TGFBR3: variants seen among roughly 807,000 people sequenced by gnomAD.
TGFBR3 encodes transforming growth factor beta receptor 3, also known as transforming growth factor beta receptor type 3.
A neutral mutation model predicts 87.9 loss-of-function variants in TGFBR3; 46 were observed. The ratio of observed to expected loss-of-function variants is 0.52; its 90% CI spans 0.41 to 0.67. TGFBR3 has a LOEUF of 0.67. Among genes scored for constraint, TGFBR3 ranks in the 30% least tolerant of loss-of-function variants. TGFBR3 has a pLI of 0.00. For missense variants in TGFBR3, 866 were observed against 1,041.9 expected, an observed-to-expected ratio of 0.83 and a Z score of 2.32; for synonymous variants, 381 against 391.6, an observed-to-expected ratio of 0.97 and a Z score of 0.32.
chr1:91,795,148 G>A (rs1335003880), intron 3 of TGFBR3, among the ~76,000 whole-genome samples: 1 of 152,142 alleles, frequency 6.6e-6, no homozygotes, highest in Non-Finnish European at 1.5e-5. Context: ...AGAGCCAGAT[G>A]GAATCTCCAA....
intron 3 of TGFBR3, among the ~76,000 whole-genome samples, chr1:91,785,433 C>T (rs1674921375): frequency 6.6e-6 from 1 of 152,166 alleles, no homozygotes; most frequent in Admixed American, 6.5e-5. Context: ...TTGCACATTT[C>T]TATAAATATA....
At position 91,695,685 on chromosome 1, in the gene TGFBR3, G is replaced by A. The variant is rs1046633269; in HGVS notation, c.2424C>T (p.Ile808=). ...AGTCACACTAACCTGTGTGAGAATA[G>A]ATGTACCACAAGGCCCCCGTCAGGA... ...GALLTGALWY[I]YSHTGETAGR... is the part of the protein sequence containing the mutation. The change falls in exon 16 of 17, where the codon ATC becomes ATT. Residue 808 remains isoleucine (I), a synonymous_variant. Transcript: ENST00000212355. 5 of 1,613,922 alleles carry A rather than the reference G, an allele frequency of 3.1e-6. No homozygotes were observed. The Admixed American group carries it at 5.0e-5, about 16-fold the overall frequency.
At chr1:91,792,995 C>G (rs1004721169) in intron 3 of TGFBR3, among the ~76,000 whole-genome samples, 3 of 152,190 alleles carry the variant, frequency 2.0e-5, no homozygotes, top group South Asian at 2.1e-4. Flanking sequence ...TACTCTGACC[C>G]GAGGAGAACC....
chr1:91,750,389 A>G (rs1268869957), intron 4 of TGFBR3, among the ~76,000 whole-genome samples: 1 of 152,216 alleles, frequency 6.6e-6, no homozygotes, highest in Non-Finnish European at 1.5e-5. Flanking sequence ...ATTTAGGAAG[A>G]GCTCAATGGC....
intron 12 of TGFBR3, among the ~76,000 whole-genome samples, chr1:91,714,305 T>C (rs971978712): frequency 2.6e-5 from 4 of 152,178 alleles, no homozygotes; most frequent in East Asian, 1.9e-4. Flanking sequence ...CTATTAGTAA[T>C]AGTAGTATTC....
chr1:91,903,936 G>A (rs1335121024), intron 1 of TGFBR3, among the ~76,000 whole-genome samples: 1 of 152,068 alleles, frequency 6.6e-6, no homozygotes, highest in African/African-American at 2.4e-5. Context: ...CACTTTGGGA[G>A]GCCTAGGCGG....
chr1:91,792,332 T>C (rs1675225418), intron 3 of TGFBR3, among the ~76,000 whole-genome samples: 1 of 152,090 alleles, frequency 6.6e-6, no homozygotes, highest in African/African-American at 2.4e-5. Context: ...TTTTGACGGG[T>C]GAAGTTATTA....
chr1:91,693,619 T>G (rs1671336876), intron 16 of TGFBR3, among the ~76,000 whole-genome samples: 1 of 152,200 alleles, frequency 6.6e-6, no homozygotes, highest in African/African-American at 2.4e-5. Context: ...TTGCCCTATA[T>G]TCTGCCTGGA....
At chr1:91,696,601 G>T (rs1352875040) in intron 15 of TGFBR3, among the ~76,000 whole-genome samples, 1 of 152,136 alleles carries the variant, frequency 6.6e-6, no homozygotes, top group Non-Finnish European at 1.5e-5. Flanking sequence ...TCATTTAAGA[G>T]AACTACCTTC....
At chr1:91,818,624 A>G (rs1354234574) in intron 2 of TGFBR3, among the ~76,000 whole-genome samples, 1 of 152,200 alleles carries the variant, frequency 6.6e-6, no homozygotes, top group Non-Finnish European at 1.5e-5. Context: ...GGAAAAAAAT[A>G]GGATCAAGGG....
intron 2 of TGFBR3, among the ~76,000 whole-genome samples, chr1:91,802,856 G>A (rs1047174004): frequency 1.3e-5 from 2 of 151,982 alleles, no homozygotes; most frequent in South Asian, 2.1e-4. Flanking sequence ...ACCTGGGGGA[G>A]GTGCCCCAAC....
intron 15 of TGFBR3, among the ~76,000 whole-genome samples, chr1:91,697,466 G>C (rs1453733724): frequency 6.6e-6 from 1 of 152,198 alleles, no homozygotes; most frequent in South Asian, 2.1e-4. Flanking sequence ...GGACAGCTGG[G>C]AAGTCCAGGT....
chr1:91,868,479 G>T (rs900376233), intron 1 of TGFBR3, among the ~76,000 whole-genome samples: 3 of 152,242 alleles, frequency 2.0e-5, no homozygotes, highest in Admixed American at 2.0e-4. Context: ...CTGTCCAAAT[G>T]GTGGTGAAGC....
intron 1 of TGFBR3, among the ~76,000 whole-genome samples, chr1:91,862,907 T>C (rs1678253552): frequency 1.3e-5 from 2 of 152,196 alleles, no homozygotes; most frequent in Non-Finnish European, 1.5e-5. Context: ...GAGTTGCCCA[T>C]AGCTACCTTC....
At chr1:91,902,631 T>A (rs1679753435) in intron 1 of TGFBR3, among the ~76,000 whole-genome samples, 1 of 151,396 alleles carries the variant, frequency 6.6e-6, no homozygotes, top group South Asian at 2.1e-4. Context: ...TTTTCTCACA[T>A]CTTTTTAGGT....
At chr1:91,822,978 T>C (rs1405482497) in intron 2 of TGFBR3, among the ~76,000 whole-genome samples, 3 of 152,166 alleles carry the variant, frequency 2.0e-5, no homozygotes, top group Non-Finnish European at 4.4e-5. Context: ...TAGTCGCCCA[T>C]TCACAAGCCT....
At chr1:91,772,706 C>T (rs902779306) in intron 3 of TGFBR3, among the ~76,000 whole-genome samples, 5 of 152,138 alleles carry the variant, frequency 3.3e-5, no homozygotes, top group Non-Finnish European at 5.9e-5. Context: ...TTATCTATCC[C>T]TCTACTTTAT....
chr1:91,700,454 G>A (rs931683079), intron 14 of TGFBR3, among the ~76,000 whole-genome samples: 8 of 152,256 alleles, frequency 5.3e-5, no homozygotes, highest in African/African-American at 1.7e-4. Flanking sequence ...CCGATGGGTG[G>A]GTCAACATTC....
At chr1:91,821,621 C>A (rs1448472411) in intron 2 of TGFBR3, among the ~76,000 whole-genome samples, 1 of 152,152 alleles carries the variant, frequency 6.6e-6, no homozygotes, top group Non-Finnish European at 1.5e-5. Context: ...ACTTCAGTGA[C>A]AACGCCCTCT....
Sources: allele counts gnomAD v4.1 joint callset (sites outside exome capture counted in the v4.1 genomes callset), GRCh38; gene constraint gnomAD v4.1.1; transcripts MANE v1.5; gene names NCBI Gene and HGNC (gene_info 2026-07-23, HGNC 2026-07-21).